TRIP12: variants seen among roughly 807,000 people sequenced by gnomAD.
TRIP12 encodes the protein E3 ubiquitin-protein ligase TRIP12.
TRIP12 carries 25 observed loss-of-function variants against 244.2 expected under a neutral mutation model. That is an observed-to-expected ratio of 0.10 (90% confidence interval 0.07 to 0.14). The LOEUF (loss-of-function observed/expected upper bound fraction) is 0.14, where lower values mean the gene tolerates loss of function less well. Among genes scored for constraint, TRIP12 ranks in the 10% least tolerant of loss-of-function variants. The pLI, the probability that TRIP12 is intolerant of heterozygous loss-of-function variation, is 1.00. For missense variants in TRIP12, 1,677 were observed against 2,486.4 expected (o/e 0.67, Z 6.92); for synonymous variants, 905 against 873.1 (o/e 1.04, Z -0.64).
Position 229,859,105 on chromosome 2 carries a change from A to G in TRIP12, c.694T>C (p.Cys232Arg). ...GAAGAAGAATCAGTGATGGTGCTAC[A>G]CCCAGCTTTGGCTGAGGTGGCTGAT... Reference protein sequence around the residue: ...SKSATSAKAGCSTITDSSSAA... With the variant: ...SKSATSAKAGRSTITDSSSAA... The change falls in exon 4 of 42, where the codon TGT becomes CGT. Residue 232 changes from cysteine to arginine, a missense_variant. Cys to Arg is a radical substitution (Grantham distance 180). Transcript: ENST00000675903. 6.2e-7 allele frequency: 1 copy of G among 1,614,196 alleles called. No individual in the cohort carries two copies. Among genetic ancestry groups the G allele is most frequent in the Non-Finnish European group, 8.5e-7 (1 of 1,180,030 alleles).
intron 4 of TRIP12, among the ~76,000 whole-genome samples, chr2:229,854,596 G>T (rs1469709798): frequency 1.3e-5 from 2 of 152,114 alleles, no homozygotes; most frequent in Non-Finnish European, 2.9e-5. Flanking sequence ...ACTAAGATTT[G>T]AATCCAACAT....
Position 229,799,045 on chromosome 2 carries a change from T to G in TRIP12, c.3312A>C (p.Lys1104Asn), listed in dbSNP as rs1201135486. The G allele has an allele frequency of 6.2e-7, 1 of 1,612,576 alleles. No homozygotes were observed. Among genetic ancestry groups the G allele is most frequent in the African/African-American group, 1.3e-5 (1 of 74,810 alleles). The change falls in exon 23 of 42, where the codon AAA (lysine) becomes AAC (asparagine). Residue 1104 changes from lysine (K) to asparagine (N), a missense_variant. By Grantham distance (94) the Lys-to-Asn change is moderately conservative. Transcript: ENST00000675903. The part of the protein sequence containing the change: ...RDDDKVDNQA[K>N]SPTTTQSPKS... ...TAGGTGACTGAGTAGTGGTGGGGCT[T>G]TTAGCTATGAAAAGAAAAAAGAACT...
intron 17 of TRIP12, among the ~76,000 whole-genome samples, chr2:229,806,583 A>G (rs1043030803): frequency 1.3e-5 from 2 of 152,176 alleles, no homozygotes; most frequent in Non-Finnish European, 2.9e-5. Flanking sequence ...TGAAGGTGCA[A>G]TGATCAGGAA....
At chr2:229,828,322 A>G (rs1467774718) in intron 8 of TRIP12, among the ~76,000 whole-genome samples, 1 of 148,416 alleles carries the variant, frequency 6.7e-6, no homozygotes, top group East Asian at 2.0e-4. Context: ...ACCCTTAGGG[A>G]CCCCCTGCAA....
chr2:229,850,826 TGCCG>T (rs2058528934), intron 4 of TRIP12, among the ~76,000 whole-genome samples: 1 of 152,210 alleles, frequency 6.6e-6, no homozygotes, highest in Non-Finnish European at 1.5e-5. Flanking sequence ...CAGCCGGCCC[TGCCG>T]GCCCCAGGCA....
intron 4 of TRIP12, among the ~76,000 whole-genome samples, chr2:229,857,313 G>T (rs2059755307): frequency 6.6e-6 from 1 of 152,078 alleles, no homozygotes; most frequent in East Asian, 1.9e-4. Context: ...TATCCTATTT[G>T]TCCTTTATAG....
At chr2:229,919,739 CTTAA>C (rs2076148377) in intron 1 of TRIP12, among the ~76,000 whole-genome samples, 1 of 152,162 alleles carries the variant, frequency 6.6e-6, no homozygotes, top group Non-Finnish European at 1.5e-5. Context: ...CAATGATAAT[CTTAA>C]TTACAGTTTT....
chr2:229,865,191 A>G (rs1380476544), intron 2 of TRIP12, among the ~76,000 whole-genome samples: 1 of 151,960 alleles, frequency 6.6e-6, no homozygotes, highest in Non-Finnish European at 1.5e-5. Context: ...ACACACCTGT[A>G]TTCCTAGCTA....
intron 1 of TRIP12, among the ~76,000 whole-genome samples, chr2:229,891,448 G>A (rs1156750978): frequency 2.0e-5 from 3 of 151,250 alleles, no homozygotes; most frequent in African/African-American, 7.3e-5. Context: ...AATTAAAATA[G>A]CCGGGTGTGG....
intron 1 of TRIP12, among the ~76,000 whole-genome samples, chr2:229,898,941 G>A (rs570820996): frequency 6.6e-6 from 1 of 152,258 alleles, no homozygotes; most frequent in African/African-American, 2.4e-5. Context: ...GGCTTCAAAC[G>A]TTCCTCCAAC....
At position 229,764,826 on chromosome 2, in the gene TRIP12, G is replaced by A. The variant is rs1359702351; in HGVS notation, c.*2728C>T. The A allele has an allele frequency of 1.3e-5, 2 of 152,214 alleles. No homozygotes were observed. The highest frequency in any genetic ancestry group is 2.9e-5 in the Non-Finnish European group (2 of 68,050). The allele number at this position is 152,214 out of a possible 1,614,324, so 9.4% of individuals were successfully genotyped here. A position where few individuals can be genotyped will look rare whatever the true frequency, so the allele number is the denominator to read the frequency against. On this transcript the variant is annotated 3_prime_UTR_variant, in exon 42 of 42. Coordinates refer to ENST00000675903, the MANE Select transcript of TRIP12 (RefSeq NM_001348323.3). Reference sequence around the variant, plus strand: ...ATGTTATGCACCTAACTCAAACCCAGTAAAGAGGGACTCCAAGCATAATTA... The same window carrying A: ...ATGTTATGCACCTAACTCAAACCCAATAAAGAGGGACTCCAAGCATAATTA...
intron 4 of TRIP12, among the ~76,000 whole-genome samples, chr2:229,842,118 G>A (rs559519687): frequency 6.6e-6 from 1 of 152,226 alleles, no homozygotes; most frequent in African/African-American, 2.4e-5. Context: ...ATATCTTTTG[G>A]GCCTTTTTCA....
At chr2:229,909,580 A>G (rs1264605395) in intron 1 of TRIP12, among the ~76,000 whole-genome samples, 1 of 150,982 alleles carries the variant, frequency 6.6e-6, no homozygotes, top group African/African-American at 2.4e-5. Flanking sequence ...AAAGCCTGGT[A>G]CAGTGGCTCA....
At chr2:229,864,869 T>C (rs2061228827) in intron 2 of TRIP12, among the ~76,000 whole-genome samples, 1 of 152,160 alleles carries the variant, frequency 6.6e-6, no homozygotes, top group African/African-American at 2.4e-5. Context: ...CCTCTGAGTG[T>C]TAACTTTTAG....
At chr2:229,892,968 A>T (rs745897721) in intron 1 of TRIP12, among the ~76,000 whole-genome samples, 2 of 152,222 alleles carry the variant, frequency 1.3e-5, no homozygotes, top group African/African-American at 2.4e-5. Flanking sequence ...ACTGAACAAC[A>T]TTTGTAAAAC....
chr2:229,848,834 G>C (rs370224132), intron 4 of TRIP12, among the ~76,000 whole-genome samples: 7 of 152,310 alleles, frequency 4.6e-5, no homozygotes, highest in African/African-American at 1.7e-4. Flanking sequence ...CTGAAGGAAA[G>C]TAATTCCCAA....
chr2:229,860,581 A>T, intron 2 of TRIP12, 50 bp from the exon 3 acceptor site: 4 of 1,505,708 alleles, frequency 2.7e-6, no homozygotes, highest in Non-Finnish European at 3.6e-6. Flanking sequence ...TGAGATGCAA[A>T]TACAATACTG....
At chr2:229,863,532 C>CA (rs2060825486) in intron 2 of TRIP12, among the ~76,000 whole-genome samples, 1 of 152,054 alleles carries the variant, frequency 6.6e-6, no homozygotes, top group South Asian at 2.1e-4. Flanking sequence ...ATTTTATTTA[C>CA]AAAAACAGGC....
At chr2:229,821,460 C>A (rs1016196446) in intron 8 of TRIP12, among the ~76,000 whole-genome samples, 1 of 152,116 alleles carries the variant, frequency 6.6e-6, no homozygotes, top group Admixed American at 6.5e-5. Flanking sequence ...TTGGGCTTTA[C>A]AGGCATATGG....
Sources: gnomAD v4.1 joint callset for allele counts (sites outside exome capture counted in the v4.1 genomes callset) on GRCh38, gnomAD v4.1.1 for gene constraint, MANE v1.5 for transcripts, NCBI Gene and HGNC (gene_info 2026-07-23, HGNC 2026-07-21) for gene names.